Variants in DOCK2 observed in about 807,000 individuals in gnomAD.
DOCK2 encodes the protein dedicator of cytokinesis 2.
In DOCK2, 87 loss-of-function variants were observed where a neutral mutation model predicts 248.9. That is an observed-to-expected ratio of 0.35 (90% confidence interval 0.29 to 0.42). The LOEUF is 0.42. Among genes scored for constraint, DOCK2 ranks in the 10% least tolerant of loss-of-function variants. The pLI is 1.00. For synonymous variants in DOCK2, 805 were observed against 821.6 expected, an observed-to-expected ratio of 0.98 and a Z score of 0.35; for missense variants, 1,747 against 2,300.2, an observed-to-expected ratio of 0.76 and a Z score of 4.92.
intron 25 of DOCK2, among the ~76,000 whole-genome samples, chr5:169,798,671 T>G (rs1196815254): frequency 6.6e-6 from 1 of 152,220 alleles, no homozygotes; most frequent in African/African-American, 2.4e-5. Context: ...AGTCTGCTTC[T>G]TATCTCTGTT....
At chr5:169,976,113 T>C (rs1413723162) in intron 27 of DOCK2, among the ~76,000 whole-genome samples, 1 of 152,206 alleles carries the variant, frequency 6.6e-6, no homozygotes, top group Non-Finnish European at 1.5e-5. Flanking sequence ...AATTCTATAA[T>C]AAATTCAATC....
intron 28 of DOCK2, among the ~76,000 whole-genome samples, chr5:169,983,634 T>C (rs142939523): frequency 9.9e-5 from 15 of 152,222 alleles, no homozygotes; most frequent in Non-Finnish European, 2.1e-4. Flanking sequence ...CTGTGGCTTC[T>C]ATCTCTGCAG....
chr5:169,723,157 C>T (rs1252824215), intron 22 of DOCK2, among the ~76,000 whole-genome samples: 1 of 152,176 alleles, frequency 6.6e-6, no homozygotes, highest in Non-Finnish European at 1.5e-5. Flanking sequence ...GCTTCCTTCC[C>T]CATCTCCATT....
At chr5:169,835,121 TG>T in intron 26 of DOCK2, among the ~76,000 whole-genome samples, 1 of 152,104 alleles carries the variant, frequency 6.6e-6, no homozygotes, top group African/African-American at 2.4e-5. Flanking sequence ...TGGATGAGAA[TG>T]GCATTTGCAT....
chr5:169,706,221 C>T (rs1019000418), intron 14 of DOCK2, among the ~76,000 whole-genome samples: 44 of 152,280 alleles, frequency 2.9e-4, no homozygotes, highest in African/African-American at 9.4e-4. Context: ...GCCTGCCATG[C>T]GGCAGTTTTA....
At chr5:169,738,299 C>T (rs1162762168) in intron 22 of DOCK2, among the ~76,000 whole-genome samples, 1 of 152,092 alleles carries the variant, frequency 6.6e-6, no homozygotes, top group African/African-American at 2.4e-5. Flanking sequence ...TATGTAGAAA[C>T]TGGATTGAAA....
intron 8 of DOCK2, among the ~76,000 whole-genome samples, chr5:169,686,888 G>T (rs1172673091): frequency 6.6e-6 from 1 of 152,142 alleles, no homozygotes; most frequent in Non-Finnish European, 1.5e-5. Flanking sequence ...TAAGGCTTAT[G>T]CCCAAAAATT....
intron 44 of DOCK2, among the ~76,000 whole-genome samples, chr5:170,067,001 C>A (rs80322195): frequency 1.3e-5 from 2 of 152,302 alleles, no homozygotes; most frequent in African/African-American, 4.8e-5. Context: ...CTGTTTATAT[C>A]GCCTTCTAAG....
Position 170,019,111 on chromosome 5 carries a change from A to T in DOCK2, c.3381+3A>T, listed in dbSNP as rs1204490443. 6.2e-7 allele frequency: 1 copy of T among 1,613,890 alleles called. No individual in the cohort carries two copies. Among genetic ancestry groups the T allele is most frequent in the Admixed American group, 1.7e-5 (1 of 60,008 alleles). The stretch of plus-strand genomic sequence containing the variant: ...AAAGAAGTGGGGATTTCAAAAAGGT[A>T]AAAAATGAGGCCGGAAACTCATGCC... On this transcript the variant is annotated splice_donor_region_variant and intron_variant, in intron 33 of 51. Coordinates refer to ENST00000520908, the MANE Select transcript of DOCK2 (RefSeq NM_004946.3).
At chr5:169,688,062 C>T (rs898423220) in intron 8 of DOCK2, among the ~76,000 whole-genome samples, 1 of 152,146 alleles carries the variant, frequency 6.6e-6, no homozygotes, top group Admixed American at 6.5e-5. Flanking sequence ...GTAGCTGGGA[C>T]TACAGGCATG....
intron 27 of DOCK2, among the ~76,000 whole-genome samples, chr5:169,877,989 A>G (rs1398720425): frequency 6.6e-6 from 1 of 152,222 alleles, no homozygotes; most frequent in Non-Finnish European, 1.5e-5. Flanking sequence ...CCTTTAAAAC[A>G]TATTGGAGAC....
At chr5:169,779,495 G>A (rs1765572076) in intron 25 of DOCK2, 2 of 152,276 alleles carry the variant, frequency 1.3e-5, no homozygotes, top group African/African-American at 2.4e-5. Flanking sequence ...GCTGTTGGTG[G>A]TGGTGTCCAA....
intron 9 of DOCK2, among the ~76,000 whole-genome samples, chr5:169,693,261 G>A (rs1288419849): frequency 6.6e-6 from 1 of 152,164 alleles, no homozygotes; most frequent in Non-Finnish European, 1.5e-5. Context: ...TGGGAGCAGG[G>A]TGGTTAGGAA....
intron 7 of DOCK2, among the ~76,000 whole-genome samples, chr5:169,683,880 C>T (rs1268413367): frequency 6.6e-6 from 1 of 152,184 alleles, no homozygotes; most frequent in Non-Finnish European, 1.5e-5. Flanking sequence ...CTAGCTGTTG[C>T]ATCTTTCAAA....
At chr5:169,817,385 T>A (rs533471587) in intron 26 of DOCK2, among the ~76,000 whole-genome samples, 2 of 152,350 alleles carry the variant, frequency 1.3e-5, no homozygotes, top group African/African-American at 4.8e-5. Flanking sequence ...TAAGCACCTA[T>A]GATTTGTCAG....
chr5:169,997,226 G>A lies in DOCK2; in HGVS notation c.3072+1062G>A, dbSNP rs529188384. Among the ~76,000 whole-genome samples, 9 of 134,254 alleles carry A rather than the reference G, an allele frequency of 6.7e-5. 1 individual carries two copies. The highest frequency in any genetic ancestry group is 2.9e-4 in the African/African-American group (9 of 31,138). 88.1% of individuals were successfully genotyped at this position (134,254 alleles called of 152,430 possible). On this transcript the variant is annotated intron_variant, in intron 30 of 51. Coordinates refer to ENST00000520908, the MANE Select transcript of DOCK2 (RefSeq NM_004946.3). ...CATAGACATCTCAATGCTTTACAAA[G>A]CAGTATTGCTGCCCGCAGGTCCCAC...
chr5:169,882,615 C>T, intron 27 of DOCK2: 1 of 1,551,786 alleles, frequency 6.4e-7, no homozygotes, highest in African/African-American at 1.4e-5. Flanking sequence ...CTTTAATTTT[C>T]TCTTGGTTCG....
intron 22 of DOCK2, among the ~76,000 whole-genome samples, chr5:169,737,073 G>A (rs1202028141): frequency 6.6e-6 from 1 of 152,192 alleles, no homozygotes. Flanking sequence ...TGCATGTGAG[G>A]TGCCCTGGGA....
At chr5:170,025,880 C>T (rs1755897975) in intron 33 of DOCK2, among the ~76,000 whole-genome samples, 1 of 146,556 alleles carries the variant, frequency 6.8e-6, no homozygotes, top group Non-Finnish European at 1.5e-5. Context: ...TCCGTCCATC[C>T]ATTCTTCTCT....
Sources: gnomAD v4.1 joint callset for allele counts (sites outside exome capture counted in the v4.1 genomes callset) on GRCh38, gnomAD v4.1.1 for gene constraint, MANE v1.5 for transcripts, NCBI Gene and HGNC (gene_info 2026-07-23, HGNC 2026-07-21) for gene names.